The following AKAP13 variants were observed in gnomAD, a reference collection of about 807,000 sequenced individuals.
The protein encoded by AKAP13 is A-kinase anchoring protein 13, also known as A-kinase anchor protein 13.
AKAP13 carries 80 observed loss-of-function variants against 264.5 expected under a neutral mutation model. The observed-to-expected ratio is 0.30, with a 90% CI of 0.25 to 0.36. AKAP13 has a LOEUF of 0.36. Among genes scored for constraint, AKAP13 ranks in the 10% least tolerant of loss-of-function variants. AKAP13 has a pLI of 1.00. For synonymous variants in AKAP13, 1,380 were observed against 1,250.2 expected, an observed-to-expected ratio of 1.10 and a Z score of -2.19; for missense variants, 3,712 against 3,435.2, an observed-to-expected ratio of 1.08 and a Z score of -2.01.
At chr15:85,569,455 T>TTC (rs1555445560) in intron 5 of AKAP13, among the ~76,000 whole-genome samples, 1 of 147,632 alleles carries the variant, frequency 6.8e-6, no homozygotes. Flanking sequence ...TCTTTTCTTT[T>TTC]TTTTTTTTTT....
rs79444571 is a variant in AKAP13 at position 85,664,579 on chromosome 15, T to C, written c.4816T>C (p.Leu1606=). ...TATGTTCAGTTTCAGTCTAGAAGGC[T>C]TGACAGGAGGAGCTGGTGTCGGAAA... ...IHRRSFSLEG[L]TGGAGVGNKP... Residue 1606 remains leucine, a synonymous_variant, in exon 13 of 37, where the codon TTG becomes CTG. Coordinates refer to ENST00000394518, the MANE Select transcript of AKAP13 (RefSeq NM_007200.5). The C allele has an allele frequency of 6.2e-7, 1 of 1,612,770 alleles. No individual in the cohort carries two copies. Among genetic ancestry groups the C allele is most frequent in the Non-Finnish European group, 8.5e-7 (1 of 1,179,224 alleles).
At chr15:85,735,473 C>T (rs1156947607) in intron 31 of AKAP13, 87 bp from the exon 32 acceptor site, 11 of 1,381,102 alleles carry the variant, frequency 8.0e-6, no homozygotes, top group African/African-American at 4.4e-5. Flanking sequence ...AGACATACTA[C>T]ATCCCCAAGA....
chr15:85,487,809 G>A (rs1460562119), intron 2 of AKAP13, among the ~76,000 whole-genome samples: 1 of 151,758 alleles, frequency 6.6e-6, no homozygotes, highest in African/African-American at 2.4e-5. Context: ...ATAGCTCACA[G>A]CATCGTGGAA....
intron 1 of AKAP13, among the ~76,000 whole-genome samples, chr15:85,394,853 T>C (rs1043493248): frequency 2.6e-5 from 4 of 152,202 alleles, no homozygotes; most frequent in Admixed American, 6.5e-5. Flanking sequence ...AAACTTAGAC[T>C]CTTGGACATG....
intron 2 of AKAP13, among the ~76,000 whole-genome samples, chr15:85,514,285 G>A (rs2076536135): frequency 1.5e-5 from 2 of 137,454 alleles, no homozygotes; most frequent in South Asian, 4.4e-4. Flanking sequence ...TATTAATATG[G>A]ACTCATGACT....
chr15:85,393,598 T>C (rs939836164), intron 1 of AKAP13, among the ~76,000 whole-genome samples: 2 of 152,214 alleles, frequency 1.3e-5, no homozygotes, highest in African/African-American at 4.8e-5. Context: ...GAAGAAACTT[T>C]TGTGTGTTTA....
intron 12 of AKAP13, among the ~76,000 whole-genome samples, chr15:85,661,457 G>A (rs1386617287): frequency 1.3e-5 from 2 of 152,134 alleles, no homozygotes; most frequent in African/African-American, 4.8e-5. Flanking sequence ...GGTGGCTCAA[G>A]CCTATAATCC....
intron 1 of AKAP13, among the ~76,000 whole-genome samples, chr15:85,411,961 C>G (rs1596083749): frequency 6.6e-6 from 1 of 152,128 alleles, no homozygotes; most frequent in East Asian, 1.9e-4. Context: ...AGCTTGACAG[C>G]TTTTCAGTAT....
intron 1 of AKAP13, among the ~76,000 whole-genome samples, chr15:85,419,443 A>T (rs1049783752): frequency 6.6e-6 from 1 of 152,236 alleles, no homozygotes; most frequent in South Asian, 2.1e-4. Flanking sequence ...TACATTGTGT[A>T]TCATTCTGGA....
chr15:85,428,698 G>A (rs1017200790), intron 1 of AKAP13, among the ~76,000 whole-genome samples: 4 of 152,126 alleles, frequency 2.6e-5, no homozygotes. Context: ...TTACACTCAC[G>A]TTTGGCTTTC....
intron 17 of AKAP13, among the ~76,000 whole-genome samples, chr15:85,694,885 T>G (rs1222127816): frequency 2.6e-5 from 4 of 152,242 alleles, no homozygotes; most frequent in Non-Finnish European, 4.4e-5. Flanking sequence ...TCCTGAAATC[T>G]TGTTTTCAGT....
At chr15:85,433,418 C>G (rs554745839) in intron 1 of AKAP13, among the ~76,000 whole-genome samples, 1 of 152,194 alleles carries the variant, frequency 6.6e-6, no homozygotes, top group South Asian at 2.1e-4. Context: ...TTCTCCACGT[C>G]TTTGTCGGTA....
chr15:85,658,540 A>C lies in AKAP13; in HGVS notation c.4749A>C (p.Ser1583=), dbSNP rs2083202391. 6.2e-7 allele frequency: 1 copy of C among 1,613,710 alleles called. No individual in the cohort carries two copies. Among genetic ancestry groups the C allele is most frequent in the African/African-American group, 1.3e-5 (1 of 74,914 alleles). The stretch of plus-strand genomic sequence containing the variant: ...CCTCTTCACCATTCATTTTCAGTTC[A>C]ATGCGAGTTCTTGGGGATGTTGTCA... ...ASDAEMNHRS[S]MRVLGDVVRR... The change falls in exon 12 of 37, where the codon TCA becomes TCC. Residue 1583 remains serine, a synonymous_variant. Transcript: ENST00000394518.
intron 2 of AKAP13, 113 bp downstream of exon 2, chr15:85,485,866 C>G (rs11856869): frequency 0.5 from 441,257 of 885,642 alleles, 114,556 homozygotes; most frequent in Middle Eastern, 0.58. Context: ...AACCATATGT[C>G]CATGAATATA....
At chr15:85,465,667 A>G (rs2074709607) in intron 1 of AKAP13, among the ~76,000 whole-genome samples, 1 of 151,410 alleles carries the variant, frequency 6.6e-6, no homozygotes, top group African/African-American at 2.4e-5. Context: ...CCATGTCCCT[A>G]CAAAGGACAT....
chr15:85,443,207 C>T (rs1187292304), intron 1 of AKAP13, among the ~76,000 whole-genome samples: 1 of 151,832 alleles, frequency 6.6e-6, no homozygotes, highest in Admixed American at 6.6e-5. Context: ...CCCAAGATCC[C>T]CTTATGTCCT....
Position 85,658,565 on chromosome 15 carries a change from A to G in AKAP13, c.4774A>G (p.Arg1592Gly), listed in dbSNP as rs769754025. The stretch of plus-strand genomic sequence containing the variant: ...AATGCGAGTTCTTGGGGATGTTGTC[A>G]GGAGACCTCCCATTCATAGGAGAAG... ...SSMRVLGDVV[R>G]RPPIHRRSFS... Residue 1592 changes from arginine to glycine, a missense_variant, in exon 12 of 37, where the codon AGG becomes GGG. Physicochemically the swap from Arg to Gly is moderately radical, Grantham distance 125. Coordinates refer to ENST00000394518, the MANE Select transcript of AKAP13 (RefSeq NM_007200.5). 16 of 1,613,976 alleles carry G rather than the reference A, an allele frequency of 9.9e-6. No homozygotes were observed. In the South Asian group the frequency reaches 1.4e-4, roughly 14 times the overall value.
At chr15:85,613,606 C>T (rs892846682) in intron 8 of AKAP13, among the ~76,000 whole-genome samples, 114 of 147,328 alleles carry the variant, frequency 7.7e-4, no homozygotes, top group African/African-American at 2.3e-3. Flanking sequence ...GCATGAACCC[C>T]GGAGGCGGAG....
chr15:85,690,328 T>C (rs1038390483), intron 16 of AKAP13, among the ~76,000 whole-genome samples: 1 of 152,334 alleles, frequency 6.6e-6, no homozygotes, highest in South Asian at 2.1e-4. Flanking sequence ...AATTTAACTT[T>C]CCTGAGCAAA....
Sources: gnomAD v4.1 joint callset for allele counts (sites outside exome capture counted in the v4.1 genomes callset) on GRCh38, gnomAD v4.1.1 for gene constraint, MANE v1.5 for transcripts, NCBI Gene and HGNC (gene_info 2026-07-23, HGNC 2026-07-21) for gene names.